Variants in BICC1 observed in about 807,000 individuals in gnomAD.
BICC1 encodes protein bicaudal C homolog 1.
BICC1 carries 43 observed loss-of-function variants against 111.0 expected under a neutral mutation model. That is an observed-to-expected ratio of 0.39 (90% CI 0.30 to 0.50). The LOEUF is 0.50. Ranked by LOEUF, BICC1 falls within the 20% of genes least tolerant of loss-of-function variation. The probability of loss-of-function intolerance (pLI) is 0.88; values close to 1 mark genes in which losing one functional copy is unlikely to be tolerated. For synonymous variants in BICC1, 467 were observed against 434.4 expected, an observed-to-expected ratio of 1.07 and a Z score of -0.93; for missense variants, 1,091 against 1,203.2, an observed-to-expected ratio of 0.91 and a Z score of 1.38.
chr10:58,569,494 A>C (rs1843877640), intron 1 of BICC1, among the ~76,000 whole-genome samples: 1 of 152,176 alleles, frequency 6.6e-6, no homozygotes, highest in South Asian at 2.1e-4. Flanking sequence ...TGCACCCATC[A>C]GCCCATCATC....
intron 2 of BICC1, among the ~76,000 whole-genome samples, chr10:58,674,266 A>G (rs1394244929): frequency 1.3e-3 from 1 of 776 alleles, no homozygotes; most frequent in Non-Finnish European, 0.024. Context: ...ACTCAGATCA[A>G]GTGTCAGTTA....
intron 3 of BICC1, among the ~76,000 whole-genome samples, chr10:58,779,722 T>C (rs1272664696): frequency 1.3e-5 from 2 of 152,166 alleles, no homozygotes; most frequent in Non-Finnish European, 2.9e-5. Flanking sequence ...AGACACCACA[T>C]ATTTTTACCA....
intron 1 of BICC1, among the ~76,000 whole-genome samples, chr10:58,576,861 T>C (rs1435918204): frequency 6.6e-6 from 1 of 152,200 alleles, no homozygotes; most frequent in Non-Finnish European, 1.5e-5. Flanking sequence ...TTATCCCAGA[T>C]GTCTTGAGTT....
At chr10:58,750,651 T>C (rs1267040225) in intron 3 of BICC1, among the ~76,000 whole-genome samples, 3 of 152,272 alleles carry the variant, frequency 2.0e-5, no homozygotes, top group Non-Finnish European at 4.4e-5. Flanking sequence ...CAATAAAATA[T>C]GATAGGTGAA....
Position 58,831,421 on chromosome 10 carries a change from G to A in BICC1, c.*2530G>A, listed in dbSNP as rs1036267902. On this transcript the variant is annotated 3_prime_UTR_variant, in exon 21 of 21. Coordinates refer to ENST00000373886, the MANE Select transcript of BICC1 (RefSeq NM_001080512.3). ...AAAAATAAATTTATATAACCCCTTT[G>A]TATTGCTCTTGCTATATGAAGCGTG... 6 of 149,070 alleles carry A rather than the reference G, an allele frequency of 4.0e-5. No homozygotes were observed. The highest frequency in any genetic ancestry group is 1.5e-4 in the African/African-American group (6 of 40,566). 9.2% of individuals were successfully genotyped at this position (149,070 alleles called of 1,614,324 possible). A position where few individuals can be genotyped will look rare whatever the true frequency, so the allele number is the denominator to read the frequency against.
At chr10:58,715,368 T>G (rs1354607763) in intron 3 of BICC1, among the ~76,000 whole-genome samples, 2 of 152,162 alleles carry the variant, frequency 1.3e-5, no homozygotes, top group East Asian at 3.9e-4. Context: ...ATGCAAATAG[T>G]TATGTATTAA....
chr10:58,759,321 A>G (rs938695316), intron 3 of BICC1, among the ~76,000 whole-genome samples: 5 of 152,168 alleles, frequency 3.3e-5, no homozygotes, highest in African/African-American at 1.2e-4. Flanking sequence ...ATAAACAAAT[A>G]CAAATTTCAA....
intron 1 of BICC1, among the ~76,000 whole-genome samples, chr10:58,521,753 G>C (rs371425029): frequency 7.2e-6 from 1 of 138,270 alleles, no homozygotes; most frequent in East Asian, 2.2e-4. Flanking sequence ...ATGAAAATCA[G>C]CCAGGGAATG....
Position 58,799,194 on chromosome 10 carries a change from T to C in BICC1, c.1667T>C (p.Ile556Thr), listed in dbSNP as rs1843457337. The C allele has an allele frequency of 6.2e-7, 1 of 1,613,766 alleles. No individual in the cohort carries two copies. Among genetic ancestry groups the C allele is most frequent in the Non-Finnish European group, 8.5e-7 (1 of 1,179,862 alleles). ...PPGLTPVDVH[I>T]NSMQTEGKKI... ...GGCTTGACTCCTGTTGATGTCCATA[T>C]CAACAGTATGCAGACCGAAGGCAAA... Residue 556 changes from isoleucine to threonine, a missense_variant, in exon 12 of 21, where the codon ATC (isoleucine) becomes ACC (threonine). Physicochemically the swap from Ile to Thr is moderately conservative, Grantham distance 89 (BLOSUM62 -1). Around this residue, in one of 3 missense-constraint regions of BICC1, gnomAD observed 843 missense variants for 900.8 expected, o/e 0.94. Coordinates refer to ENST00000373886, the MANE Select transcript of BICC1 (RefSeq NM_001080512.3).
intron 1 of BICC1, among the ~76,000 whole-genome samples, chr10:58,577,436 G>A (rs1231663555): frequency 1.3e-5 from 2 of 152,146 alleles, no homozygotes; most frequent in Non-Finnish European, 2.9e-5. Flanking sequence ...TAATATGCCT[G>A]GTACATTAGC....
chr10:58,547,556 C>G (rs376081507), intron 1 of BICC1, among the ~76,000 whole-genome samples: 1 of 152,068 alleles, frequency 6.6e-6, no homozygotes, highest in East Asian at 1.9e-4. Context: ...CTGCGTGCAG[C>G]CCATGTGTGA....
chr10:58,819,888 A>G (rs926470581), intron 19 of BICC1, among the ~76,000 whole-genome samples: 2 of 152,076 alleles, frequency 1.3e-5, no homozygotes, highest in African/African-American at 4.8e-5. Context: ...CCTTTCAGTG[A>G]TAGTTTGCTG....
At chr10:58,763,061 A>G (rs7099883) in intron 3 of BICC1, among the ~76,000 whole-genome samples, 71,371 of 151,854 alleles carry the variant, frequency 0.47, 16,883 homozygotes, top group Admixed American at 0.57. Context: ...ATATAGGAAA[A>G]AAAACACTGA....
At chr10:58,664,980 G>A (rs570278219) in intron 2 of BICC1, among the ~76,000 whole-genome samples, 7 of 152,174 alleles carry the variant, frequency 4.6e-5, no homozygotes, top group South Asian at 2.1e-4. Context: ...TATGAGTCCC[G>A]GAGTGTGGTA....
intron 3 of BICC1, among the ~76,000 whole-genome samples, chr10:58,719,588 G>C (rs1006026565): frequency 3.9e-5 from 6 of 152,020 alleles, no homozygotes; most frequent in African/African-American, 1.2e-4. Flanking sequence ...CTCACTGCAA[G>C]CTCCGCCTCA....
At chr10:58,644,100 G>A (rs1031566603) in intron 2 of BICC1, among the ~76,000 whole-genome samples, 2 of 152,084 alleles carry the variant, frequency 1.3e-5, no homozygotes, top group African/African-American at 4.8e-5. Flanking sequence ...TCCCAGCTGA[G>A]TTAGATAAGG....
intron 14 of BICC1, among the ~76,000 whole-genome samples, chr10:58,802,362 A>C (rs1843574189): frequency 6.6e-6 from 1 of 152,220 alleles, no homozygotes; most frequent in African/African-American, 2.4e-5. Context: ...GAGTAGTTGA[A>C]CAAATAAAAT....
intron 2 of BICC1, among the ~76,000 whole-genome samples, chr10:58,635,728 C>CCTCAA (rs1837933601): frequency 6.6e-6 from 1 of 152,112 alleles, no homozygotes; most frequent in East Asian, 1.9e-4. Flanking sequence ...TCCCATTGCC[C>CCTCAA]CTCAACTCAA....
At chr10:58,689,530 G>A (rs1839852559) in intron 2 of BICC1, among the ~76,000 whole-genome samples, 1 of 152,188 alleles carries the variant, frequency 6.6e-6, no homozygotes, top group Non-Finnish European at 1.5e-5. Flanking sequence ...TTGCTTCAGA[G>A]GTTACATTTA....
Sources: allele counts gnomAD v4.1 joint callset (sites outside exome capture counted in the v4.1 genomes callset), GRCh38; gene constraint gnomAD v4.1.1; regional missense constraint gnomAD v4.1.1; transcripts MANE v1.5; gene names NCBI Gene and HGNC (gene_info 2026-07-23, HGNC 2026-07-21).